Variants in CCDC102B observed in about 807,000 individuals in gnomAD.
CCDC102B encodes coiled-coil domain containing 102B, also known as coiled-coil domain-containing protein 102B.
CCDC102B carries 75 observed loss-of-function variants against 57.4 expected under a neutral mutation model. That is an observed-to-expected ratio of 1.31 (90% CI 1.08 to 1.58). The LOEUF is 1.58. Ranked by LOEUF, CCDC102B falls within the 40% of genes most tolerant of loss-of-function variation. The probability of loss-of-function intolerance (pLI) is 0.00; values close to 1 mark genes in which losing one functional copy is unlikely to be tolerated. For synonymous variants in CCDC102B, 206 were observed against 201.9 expected (o/e 1.02, Z -0.17); for missense variants, 636 against 582.6 (o/e 1.09, Z -0.94).
At chr18:68,896,863 G>A (rs2040260920) in intron 5 of CCDC102B, among the ~76,000 whole-genome samples, 1 of 151,804 alleles carries the variant, frequency 6.6e-6, no homozygotes, top group African/African-American at 2.4e-5. Flanking sequence ...AATCAAAATT[G>A]CCCATGAAAT....
At chr18:68,719,717 A>G (rs2032223313) in intron 2 of CCDC102B, among the ~76,000 whole-genome samples, 2 of 152,246 alleles carry the variant, frequency 1.3e-5, no homozygotes, top group African/African-American at 2.4e-5. Context: ...TTTACTAGCT[A>G]TGTGGGCATC....
intron 4 of CCDC102B, among the ~76,000 whole-genome samples, chr18:68,857,396 A>C (rs1387959765): frequency 8.0e-6 from 1 of 124,540 alleles, no homozygotes; most frequent in African/African-American, 3.1e-5. Context: ...TTTATTATTT[A>C]AATATATAAA....
intron 6 of CCDC102B, among the ~76,000 whole-genome samples, chr18:68,928,000 TC>T (rs1321476640): frequency 1.3e-5 from 2 of 151,886 alleles, no homozygotes; most frequent in Non-Finnish European, 2.9e-5. Context: ...TAGATGATAG[TC>T]AAGCACTTGA....
chr18:68,822,528 C>T (rs547626331), intron 1 of CCDC102B, among the ~76,000 whole-genome samples: 2 of 151,390 alleles, frequency 1.3e-5, no homozygotes, highest in East Asian at 4.2e-4. Flanking sequence ...TTGTTTTTTA[C>T]AACGCCTATT....
At chr18:68,931,731 A>G (rs2041679298) in intron 6 of CCDC102B, among the ~76,000 whole-genome samples, 1 of 151,908 alleles carries the variant, frequency 6.6e-6, no homozygotes, top group African/African-American at 2.4e-5. Flanking sequence ...GATGATAGAG[A>G]GCACAGGTAT....
At chr18:68,766,777 T>C (rs1319903860) in intron 2 of CCDC102B, among the ~76,000 whole-genome samples, 3 of 152,122 alleles carry the variant, frequency 2.0e-5, no homozygotes, top group Non-Finnish European at 2.9e-5. Context: ...CAGGCCTCAG[T>C]TGAAACTGAC....
intron 6 of CCDC102B, among the ~76,000 whole-genome samples, chr18:68,932,194 A>G (rs935376290): frequency 6.6e-6 from 1 of 151,822 alleles, no homozygotes; most frequent in Non-Finnish European, 1.5e-5. Context: ...TAGATAACCT[A>G]CCAGTATTTC....
intron 7 of CCDC102B, among the ~76,000 whole-genome samples, chr18:69,012,151 T>C (rs1311610117): frequency 6.6e-6 from 1 of 152,096 alleles, no homozygotes; most frequent in Non-Finnish European, 1.5e-5. Flanking sequence ...TGGGGCTGGA[T>C]GGTGGAAGAG....
chr18:68,762,077 A>G (rs1428012816), intron 2 of CCDC102B, among the ~76,000 whole-genome samples: 2 of 152,098 alleles, frequency 1.3e-5, no homozygotes, highest in Admixed American at 6.6e-5. Flanking sequence ...CCCTTATTCA[A>G]AGTTTCCCTT....
intron 2 of CCDC102B, among the ~76,000 whole-genome samples, chr18:68,760,387 A>G (rs2034213773): frequency 6.6e-6 from 1 of 152,060 alleles, no homozygotes; most frequent in Non-Finnish European, 1.5e-5. Context: ...TAATTACATG[A>G]CTCAGTAGGT....
chr18:68,749,760 C>A (rs1420738493), intron 2 of CCDC102B, among the ~76,000 whole-genome samples: 2 of 152,110 alleles, frequency 1.3e-5, no homozygotes, highest in South Asian at 2.1e-4. Flanking sequence ...TAATTGAATA[C>A]CCTTTCTTTC....
intron 2 of CCDC102B, among the ~76,000 whole-genome samples, chr18:68,791,860 C>G (rs915890962): frequency 5.9e-5 from 9 of 152,156 alleles, no homozygotes; most frequent in South Asian, 2.1e-4. Context: ...GTAGCCTCAT[C>G]TTTTCACTAC....
chr18:68,868,276 T>C (rs1009578853), intron 4 of CCDC102B, among the ~76,000 whole-genome samples: 1 of 152,142 alleles, frequency 6.6e-6, no homozygotes, highest in African/African-American at 2.4e-5. Flanking sequence ...AAAAGACCAC[T>C]GAGATAAGTC....
chr18:68,787,479 G>A (rs1311841539), intron 2 of CCDC102B, among the ~76,000 whole-genome samples: 5 of 150,730 alleles, frequency 3.3e-5, no homozygotes, highest in African/African-American at 7.4e-5. Context: ...TGGTTGGTAA[G>A]CTATTGATTA....
At chr18:68,733,867 A>G (rs897426858) in intron 2 of CCDC102B, among the ~76,000 whole-genome samples, 2 of 152,178 alleles carry the variant, frequency 1.3e-5, no homozygotes, top group Non-Finnish European at 2.9e-5. Context: ...TTACTGATAA[A>G]AATGGTGACA....
chr18:68,850,055 TG>T (rs2038052739), intron 4 of CCDC102B, among the ~76,000 whole-genome samples: 1 of 152,170 alleles, frequency 6.6e-6, no homozygotes, highest in African/African-American at 2.4e-5. Context: ...AGTACTCATT[TG>T]TATAGCAATA....
At chr18:68,923,087 C>A (rs1193592790) in intron 6 of CCDC102B, among the ~76,000 whole-genome samples, 1 of 151,798 alleles carries the variant, frequency 6.6e-6, no homozygotes, top group African/African-American at 2.4e-5. Flanking sequence ...TATTATACTG[C>A]CTTCTACTCC....
chr18:69,055,174 C>T lies in CCDC102B; in HGVS notation c.*1037C>T. 1 of 972,504 alleles carries T rather than the reference C, an allele frequency of 1.0e-6. No homozygotes were observed. Among genetic ancestry groups the T allele is most frequent in the Non-Finnish European group, 1.2e-6 (1 of 818,314 alleles). 60.2% of individuals were successfully genotyped at this position (972,504 alleles called of 1,614,324 possible). A position where few individuals can be genotyped will look rare whatever the true frequency, so the allele number is the denominator to read the frequency against. ...TACTAATTCATTATTGAATAAAGAC[C>T]ACTTTTATCAGAGTCTCTCATTGTA... On this transcript the variant is annotated 3_prime_UTR_variant, in exon 8 of 8. Transcript: ENST00000360242.
At chr18:69,018,576 G>T (rs1024510920) in intron 7 of CCDC102B, among the ~76,000 whole-genome samples, 1 of 152,068 alleles carries the variant, frequency 6.6e-6, no homozygotes, top group African/African-American at 2.4e-5. Context: ...ATATTAGTTA[G>T]ATGCCTATTC....
Sources: allele counts gnomAD v4.1 joint callset (sites outside exome capture counted in the v4.1 genomes callset), GRCh38; gene constraint gnomAD v4.1.1; transcripts MANE v1.5; gene names NCBI Gene and HGNC (gene_info 2026-07-23, HGNC 2026-07-21).